Variants in TENM2 observed in about 807,000 individuals in gnomAD.
The protein encoded by TENM2 is teneurin transmembrane protein 2, also known as teneurin-2.
A neutral mutation model predicts 245.2 loss-of-function variants in TENM2; 52 were observed. That is an observed-to-expected ratio of 0.21 (90% CI 0.17 to 0.27). The LOEUF (loss-of-function observed/expected upper bound fraction) is 0.27. TENM2 is among the 10% of genes least tolerant of loss of function. TENM2 has a pLI of 1.00. For synonymous variants in TENM2, 1,363 were observed against 1,438.9 expected (o/e 0.95, Z 1.19); for missense variants, 3,046 against 3,666.8 (o/e 0.83, Z 4.37).
chr5:167,385,025 T>G (rs1342964052), intron 2 of TENM2, among the ~76,000 whole-genome samples: 1 of 152,228 alleles, frequency 6.6e-6, no homozygotes, highest in Admixed American at 6.5e-5. Flanking sequence ...TGCTTACATG[T>G]AGAATACAGT....
chr5:168,108,980 C>T (rs1794464707), intron 9 of TENM2, among the ~76,000 whole-genome samples: 2 of 152,190 alleles, frequency 1.3e-5, no homozygotes, highest in African/African-American at 4.8e-5. Flanking sequence ...CTCAGCTGTC[C>T]TTCCTGAGAC....
chr5:167,958,832 T>A (rs896969624), intron 4 of TENM2, among the ~76,000 whole-genome samples: 1 of 151,816 alleles, frequency 6.6e-6, no homozygotes, highest in Non-Finnish European at 1.5e-5. Flanking sequence ...GCTTGTAGCG[T>A]GTCTGCAGAG....
chr5:167,611,393 A>C (rs1315826201), intron 2 of TENM2, among the ~76,000 whole-genome samples: 3 of 152,170 alleles, frequency 2.0e-5, no homozygotes, highest in Admixed American at 2.0e-4. Context: ...GTCCTGCTAG[A>C]AGGTGGGGAA....
At chr5:167,383,580 C>T (rs909563449) in intron 2 of TENM2, among the ~76,000 whole-genome samples, 1 of 152,036 alleles carries the variant, frequency 6.6e-6, no homozygotes, top group African/African-American at 2.4e-5. Context: ...TTTCCCCCAA[C>T]ATCTTCCCTC....
chr5:167,006,428 G>A, the TENM2 span, among the ~76,000 whole-genome samples: 1 of 152,078 alleles, frequency 6.6e-6, no homozygotes, highest in Non-Finnish European at 1.5e-5. Context: ...ATAAAGCATG[G>A]CATTGGCTGA....
chr5:167,849,880 A>G (rs909386011), intron 2 of TENM2, among the ~76,000 whole-genome samples: 1 of 152,218 alleles, frequency 6.6e-6, no homozygotes, highest in African/African-American at 2.4e-5. Flanking sequence ...CTCTCCAAGT[A>G]TGCCACCCTC....
At chr5:168,252,408 C>T (rs1198806147) in intron 27 of TENM2, among the ~76,000 whole-genome samples, 1 of 151,328 alleles carries the variant, frequency 6.6e-6, no homozygotes, top group Admixed American at 6.6e-5. Context: ...TCCCAACAAC[C>T]TGCAATGGCC....
At chr5:167,519,141 TAACA>T (rs889899317) in intron 2 of TENM2, among the ~76,000 whole-genome samples, 44 of 152,312 alleles carry the variant, frequency 2.9e-4, no homozygotes, top group African/African-American at 1.1e-3. Context: ...TAACACTCTG[TAACA>T]AACAAACAAA....
At chr5:168,038,167 G>C (rs1787873248) in intron 5 of TENM2, among the ~76,000 whole-genome samples, 1 of 152,180 alleles carries the variant, frequency 6.6e-6, no homozygotes, top group South Asian at 2.1e-4. Context: ...TTCTTCATCT[G>C]CAAGATGGGA....
At chr5:167,186,835 C>T in the TENM2 span, among the ~76,000 whole-genome samples, 1 of 152,212 alleles carries the variant, frequency 6.6e-6, no homozygotes, top group African/African-American at 2.4e-5. Context: ...ATAGAAACCA[C>T]AAAGACAGGC....
At chr5:167,169,957 T>C in the TENM2 span, among the ~76,000 whole-genome samples, 486 of 152,302 alleles carry the variant, frequency 3.2e-3, 3 homozygotes, top group African/African-American at 0.011. Context: ...CCATGGAAAG[T>C]ATACAGACAG....
intron 2 of TENM2, among the ~76,000 whole-genome samples, chr5:167,556,680 C>T (rs1420477530): frequency 5.9e-5 from 9 of 152,106 alleles, no homozygotes; most frequent in Non-Finnish European, 1.0e-4. Context: ...TTTCTGAGCT[C>T]GCTTAGACCA....
At chr5:167,701,260 G>T (rs1375769535) in intron 2 of TENM2, among the ~76,000 whole-genome samples, 6 of 152,066 alleles carry the variant, frequency 3.9e-5, no homozygotes, top group African/African-American at 1.4e-4. Context: ...TGCATAAGTT[G>T]CAAATTCACA....
chr5:167,347,083 A>G (rs1425829208), intron 1 of TENM2, among the ~76,000 whole-genome samples: 1 of 151,984 alleles, frequency 6.6e-6, no homozygotes, highest in Non-Finnish European at 1.5e-5. Context: ...CAGCTTTTAC[A>G]GAGAAACACG....
At chr5:167,839,501 T>C (rs1429980812) in intron 2 of TENM2, among the ~76,000 whole-genome samples, 1 of 152,066 alleles carries the variant, frequency 6.6e-6, no homozygotes, top group East Asian at 1.9e-4. Context: ...GGCCCTGATG[T>C]ATGGATTTTT....
rs965550593 is a variant in TENM2, at chr5:167,375,275, A to T, written c.304A>T (p.Ile102Phe). ...AAGCGGCTACTGCTCCGACATGGGGATCCTTCACCAGGGCTACTCCCTTAG... is the reference window on the plus strand; with the variant it reads ...AAGCGGCTACTGCTCCGACATGGGGTTCCTTCACCAGGGCTACTCCCTTAG... The change falls in exon 2 of 29, where the codon ATC (isoleucine) becomes TTC (phenylalanine). Residue 102 changes from isoleucine (I) to phenylalanine (F), a missense_variant. By Grantham distance (21) the Ile-to-Phe change is conservative. Coordinates refer to ENST00000518659, the Ensembl canonical transcript of TENM2. The T allele has an allele frequency of 5.2e-6, 8 of 1,551,556 alleles. No individual in the cohort carries two copies. In the African/African-American group the frequency reaches 9.6e-5, roughly 19 times the overall value.
chr5:168,216,791 C>G (rs1235124374), exon 22 of TENM2: 1 of 1,613,798 alleles, frequency 6.2e-7, no homozygotes, highest in African/African-American at 1.3e-5. Context: ...CAAGAATGGG[C>G]TCATGTACTT....
chr5:167,380,460 G>A (rs76521859), intron 2 of TENM2, among the ~76,000 whole-genome samples: 4,343 of 152,234 alleles, frequency 0.029, 213 homozygotes, highest in African/African-American at 0.099. Context: ...ACTTCAAGGA[G>A]CGTAGGAGCC....
the TENM2 span, among the ~76,000 whole-genome samples, chr5:167,186,937 A>C: frequency 2.6e-4 from 40 of 152,146 alleles, no homozygotes; most frequent in African/African-American, 9.6e-4. Flanking sequence ...TTCTGGGAGA[A>C]CTCACCTTAT....
Sources: gnomAD v4.1 joint callset for allele counts (sites outside exome capture counted in the v4.1 genomes callset) on GRCh38, gnomAD v4.1.1 for gene constraint, MANE v1.5 for transcripts, NCBI Gene and HGNC (gene_info 2026-07-23, HGNC 2026-07-21) for gene names.